The following GRIP2 variants were observed in gnomAD, a reference collection of about 807,000 sequenced individuals.
GRIP2 encodes glutamate receptor-interacting protein 2.
Under a neutral mutation model 108.3 loss-of-function variants are expected in GRIP2, and 58 were observed. That is an observed-to-expected ratio of 0.54 (90% CI 0.43 to 0.67). The LOEUF is 0.67. Among genes scored for constraint, GRIP2 ranks in the 30% least tolerant of loss-of-function variants. GRIP2 has a pLI of 0.00. For synonymous variants in GRIP2, 586 were observed against 598.2 expected, an observed-to-expected ratio of 0.98 and a Z score of 0.30; for missense variants, 1,278 against 1,430.6, an observed-to-expected ratio of 0.89 and a Z score of 1.72.
At chr3:14,549,128 C>T (rs1559355306) in intron 1 of GRIP2, among the ~76,000 whole-genome samples, 2 of 152,342 alleles carry the variant, frequency 1.3e-5, no homozygotes, top group East Asian at 3.9e-4. Flanking sequence ...GTAAGTGCTA[C>T]ACAAGTGTTT....
chr3:14,560,459 C>T (rs746968498), upstream of GRIP2, among the ~76,000 whole-genome samples: 14 of 152,180 alleles, frequency 9.2e-5, no homozygotes, highest in Non-Finnish European at 1.6e-4. Context: ...CCAGGAGAGC[C>T]TTGACCCAAA....
upstream of GRIP2, chr3:14,542,182 G>C: frequency 1.5e-6 from 1 of 677,848 alleles, no homozygotes; most frequent in South Asian, 2.0e-5. Flanking sequence ...GTGACACAGC[G>C]TCTCACTCTG....
intron 17 of GRIP2, 135 bp downstream of exon 17, chr3:14,509,685 G>T: frequency 1.1e-6 from 1 of 908,970 alleles, no homozygotes; most frequent in Non-Finnish European, 1.5e-6. Context: ...GAGAGGGGAA[G>T]TGACTGGCCC....
At chr3:14,555,811 G>A (rs945932557) in intron 1 of GRIP2, 10 of 399,532 alleles carry the variant, frequency 2.5e-5, no homozygotes, top group Non-Finnish European at 4.0e-5. Flanking sequence ...CGAGAGAGAC[G>A]GGGAGGGAGA....
At chr3:14,602,699 T>C in the GRIP2 span, among the ~76,000 whole-genome samples, 2 of 151,758 alleles carry the variant, frequency 1.3e-5, no homozygotes, top group African/African-American at 4.8e-5. This position sits in a 1 kb window ranked among gnomAD's most constrained non-coding sequence, Gnocchi z 4.7. Context: ...CACTGCTGGC[T>C]TTCCGGGACC....
the GRIP2 span, among the ~76,000 whole-genome samples, chr3:14,594,165 A>G: frequency 6.6e-6 from 1 of 152,166 alleles, no homozygotes; most frequent in African/African-American, 2.4e-5. Flanking sequence ...CCCTCCCAGG[A>G]CAGGTGCTCT....
At position 14,493,605 on chromosome 3, in the gene GRIP2, G is replaced by A. The variant is rs1156750583; in HGVS notation, c.*60C>T. On this transcript the variant is annotated 3_prime_UTR_variant, in exon 24 of 24. Transcript: ENST00000621039. ...GTGGCCGCTTCTCCAGCCCAGCTAC[G>A]TGTCTGGGAGCCAGGATCTGCCTGG... 1.5e-5 allele frequency: 23 copies of A among 1,489,446 alleles called. No homozygotes were observed. The highest frequency in any genetic ancestry group is 1.2e-4 in the African/African-American group (9 of 72,156). 92.3% of individuals were successfully genotyped at this position (1,489,446 alleles called of 1,614,324 possible).
chr3:14,541,004 C>T (rs990852642), upstream of GRIP2, among the ~76,000 whole-genome samples: 20 of 152,354 alleles, frequency 1.3e-4, no homozygotes, highest in Admixed American at 7.2e-4. Flanking sequence ...AGGATCTGCC[C>T]GCCTCTGGGC....
At chr3:14,524,871 C>A (rs547689794) in intron 3 of GRIP2, among the ~76,000 whole-genome samples, 1 of 152,212 alleles carries the variant, frequency 6.6e-6, no homozygotes, top group South Asian at 2.1e-4. Context: ...CACCAACCTT[C>A]CTGCTGTTCA....
intron 1 of GRIP2, among the ~76,000 whole-genome samples, chr3:14,536,218 C>G (rs948017224): frequency 3.3e-5 from 5 of 152,244 alleles, no homozygotes; most frequent in African/African-American, 1.2e-4. Context: ...CAGGCCTGCT[C>G]TAAGCACTTT....
the GRIP2 span, among the ~76,000 whole-genome samples, chr3:14,564,914 A>G: frequency 3.3e-5 from 5 of 152,220 alleles, no homozygotes; most frequent in Admixed American, 2.0e-4. Context: ...CCACCCTGCT[A>G]TTCTAAACAC....
chr3:14,602,346 G>C, the GRIP2 span: 1 of 152,080 alleles, frequency 6.6e-6, no homozygotes, highest in African/African-American at 2.4e-5. This position sits in a 1 kb window ranked among gnomAD's most constrained non-coding sequence, Gnocchi z 4.7. Context: ...GGGCAGTGCG[G>C]CGAGTCAGCC....
chr3:14,556,683 C>G (rs1291548698), upstream of GRIP2, among the ~76,000 whole-genome samples: 1 of 152,230 alleles, frequency 6.6e-6, no homozygotes, highest in East Asian at 1.9e-4. Context: ...GCTGCTCAAA[C>G]TGCTGGTTGG....
At chr3:14,568,968 G>A in the GRIP2 span, among the ~76,000 whole-genome samples, 1 of 152,190 alleles carries the variant, frequency 6.6e-6, no homozygotes, top group Non-Finnish European at 1.5e-5. Context: ...TGCTCACTGG[G>A]GCTGTTGTGG....
chr3:14,554,928 C>G (rs1255328936), intron 1 of GRIP2, among the ~76,000 whole-genome samples: 2 of 152,156 alleles, frequency 1.3e-5, no homozygotes, highest in African/African-American at 4.8e-5. Flanking sequence ...CACTGCTGTT[C>G]CTGTTGACAG....
At position 14,493,708 on chromosome 3, in the gene GRIP2, C is replaced by G. The variant is rs370859345; in HGVS notation, c.3089G>C (p.Arg1030Pro). 24 of 1,609,108 alleles carry G rather than the reference C, an allele frequency of 1.5e-5. No individual in the cohort carries two copies. In the African/African-American group the frequency reaches 2.9e-4, roughly 20 times the overall value. Residue 1030 changes from arginine (R) to proline (P), a missense_variant, in exon 24 of 24, where the codon CGG (arginine) becomes CCG (proline). By Grantham distance (103) the Arg-to-Pro change is moderately radical (BLOSUM62 -2). Transcript: ENST00000621039. ...GCTGGGGCCTGGCGATCGGGGGGCC[C>G]GGCTGCTGTGTGCCGTGTGCGGCTT... ...SRKPHTAHSS[R>P]APRSPGPSSP... is the part of the protein sequence containing the mutation.
At chr3:14,514,154 C>A (rs952808053) in intron 12 of GRIP2, 138 bp downstream of exon 12, 6 of 860,862 alleles carry the variant, frequency 7.0e-6, no homozygotes, top group Non-Finnish European at 1.1e-5. Flanking sequence ...CCTCGGTTTC[C>A]TCATCTGTAA....
intron 1 of GRIP2, among the ~76,000 whole-genome samples, chr3:14,539,871 A>G (rs1694919391): frequency 6.6e-6 from 1 of 152,034 alleles, no homozygotes; most frequent in Admixed American, 6.6e-5. Flanking sequence ...CACCTTGCCC[A>G]TGGGCCTTGG....
At chr3:14,567,527 A>C in the GRIP2 span, among the ~76,000 whole-genome samples, 4 of 152,012 alleles carry the variant, frequency 2.6e-5, no homozygotes, top group Non-Finnish European at 4.4e-5. Context: ...TGATGCCACC[A>C]CTCCAGGGAC....
Sources: allele counts gnomAD v4.1 joint callset (sites outside exome capture counted in the v4.1 genomes callset), GRCh38; gene constraint gnomAD v4.1.1; non-coding constraint Gnocchi (gnomAD v3.1); transcripts MANE v1.5; gene names NCBI Gene and HGNC (gene_info 2026-07-23, HGNC 2026-07-21).